Variants in ZRANB3 observed in about 807,000 individuals in gnomAD.
ZRANB3 encodes the protein zinc finger RANBP2-type containing 3, also known as DNA annealing helicase and endonuclease ZRANB3.
A neutral mutation model predicts 133.8 loss-of-function variants in ZRANB3; 125 were observed. The ratio of observed to expected loss-of-function variants is 0.93; its 90% CI spans 0.81 to 1.08. The LOEUF is 1.08. ZRANB3 is among the 50% of genes least tolerant of loss of function. ZRANB3 has a pLI of 0.00. For synonymous variants in ZRANB3, 387 were observed against 432.7 expected (o/e 0.89, Z 1.31); for missense variants, 1,229 against 1,275.5 (o/e 0.96, Z 0.56).
At chr2:135,366,399 A>T (rs951455687) in intron 3 of ZRANB3, among the ~76,000 whole-genome samples, 1 of 152,198 alleles carries the variant, frequency 6.6e-6, no homozygotes, top group African/African-American at 2.4e-5. Context: ...GGAAAACAAA[A>T]TGCTGGTTAA....
At chr2:135,246,652 T>C (rs1695815624) in intron 12 of ZRANB3, among the ~76,000 whole-genome samples, 1 of 152,186 alleles carries the variant, frequency 6.6e-6, no homozygotes, top group Admixed American at 6.5e-5. Flanking sequence ...GCCCATGTCA[T>C]AAGGAAAGTG....
At chr2:135,303,666 T>C (rs575341474) in intron 8 of ZRANB3, among the ~76,000 whole-genome samples, 1 of 152,164 alleles carries the variant, frequency 6.6e-6, no homozygotes, top group Non-Finnish European at 1.5e-5. Context: ...AAATTTTATA[T>C]TTAGTGTGTT....
At chr2:135,298,189 C>T (rs1049454250) in intron 8 of ZRANB3, among the ~76,000 whole-genome samples, 1 of 152,168 alleles carries the variant, frequency 6.6e-6, no homozygotes. Context: ...GATCGTACCA[C>T]TGCACTCCAG....
intron 2 of ZRANB3, among the ~76,000 whole-genome samples, chr2:135,420,657 C>T (rs1378503372): frequency 6.6e-6 from 1 of 152,060 alleles, no homozygotes; most frequent in Non-Finnish European, 1.5e-5. Context: ...TGTCCTGAAT[C>T]CTGTACTTAG....
intron 1 of ZRANB3, among the ~76,000 whole-genome samples, chr2:135,515,209 T>G (rs1057359699): frequency 1.3e-5 from 2 of 152,222 alleles, no homozygotes; most frequent in Non-Finnish European, 2.9e-5. Context: ...TCAGAAGGAA[T>G]GGTACCAGCT....
At chr2:135,253,185 T>G (rs1225625485) in intron 12 of ZRANB3, among the ~76,000 whole-genome samples, 1 of 152,210 alleles carries the variant, frequency 6.6e-6, no homozygotes, top group Non-Finnish European at 1.5e-5. Flanking sequence ...AAAGTAGACT[T>G]CCTAACTTGT....
intron 2 of ZRANB3, among the ~76,000 whole-genome samples, chr2:135,409,190 A>T (rs1688190936): frequency 6.6e-6 from 1 of 152,044 alleles, no homozygotes; most frequent in Non-Finnish European, 1.5e-5. Flanking sequence ...GGTGTCACAC[A>T]CTTTCAAACA....
intron 8 of ZRANB3, among the ~76,000 whole-genome samples, chr2:135,289,328 T>G (rs1249440800): frequency 3.3e-5 from 5 of 152,144 alleles, no homozygotes; most frequent in Non-Finnish European, 7.3e-5. Flanking sequence ...TGATCTCGGC[T>G]CACTGCAGCC....
intron 12 of ZRANB3, among the ~76,000 whole-genome samples, chr2:135,260,819 TAC>T (rs1202824166): frequency 6.9e-6 from 1 of 145,530 alleles, no homozygotes; most frequent in African/African-American, 2.5e-5. Context: ...AGTATATATA[TAC>T]TATATATTCT....
chr2:135,524,761 A>G (rs1180138406), intron 1 of ZRANB3, among the ~76,000 whole-genome samples: 3 of 152,176 alleles, frequency 2.0e-5, no homozygotes, highest in African/African-American at 7.2e-5. Flanking sequence ...CAGTGTCCAA[A>G]GAGAACCATG....
rs1436352558 is a variant in ZRANB3, at chr2:135,271,803, G to A, written c.1171C>T (p.Arg391Cys). The A allele has an allele frequency of 3.1e-6, 5 of 1,613,540 alleles. No individual in the cohort carries two copies. Among genetic ancestry groups the A allele is most frequent in the African/African-American group, 1.3e-5 (1 of 74,904 alleles). Reference sequence around the variant, plus strand: ...GCCTGAATGCTTAGGATAGCCACGCGAGTGTCAGGATCCTTTTGAAACTGA... The same window carrying A: ...GCCTGAATGCTTAGGATAGCCACGCAAGTGTCAGGATCCTTTTGAAACTGA... Reference protein sequence around the residue: ...VNQFQKDPDTRVAILSIQAAG... With the variant: ...VNQFQKDPDTCVAILSIQAAG... Residue 391 changes from arginine (R) to cysteine (C), a missense_variant, in exon 10 of 21, where the codon CGC becomes TGC. By Grantham distance (180) the Arg-to-Cys change is radical. Transcript: ENST00000264159.
chr2:135,464,155 A>G (rs181264527), intron 2 of ZRANB3, among the ~76,000 whole-genome samples: 4 of 152,366 alleles, frequency 2.6e-5, no homozygotes, highest in South Asian at 2.1e-4. Context: ...CCATGAAAAG[A>G]AAGTGTTTCT....
At chr2:135,282,767 G>A (rs1681155144) in intron 8 of ZRANB3, among the ~76,000 whole-genome samples, 1 of 152,004 alleles carries the variant, frequency 6.6e-6, no homozygotes, top group Admixed American at 6.6e-5. Flanking sequence ...AAAAAACCCT[G>A]GGATCCTAAA....
At chr2:135,482,623 C>G (rs377214837) in intron 2 of ZRANB3, among the ~76,000 whole-genome samples, 8 of 152,262 alleles carry the variant, frequency 5.3e-5, no homozygotes, top group African/African-American at 1.7e-4. Context: ...TCTCCTGCCT[C>G]ATTGCCCTGG....
chr2:135,395,550 C>A (rs1052696253), intron 2 of ZRANB3, among the ~76,000 whole-genome samples: 3 of 151,724 alleles, frequency 2.0e-5, no homozygotes, highest in South Asian at 2.1e-4. Context: ...CTCTGCCTCC[C>A]ACGTTCAAGC....
chr2:135,245,244 T>C (rs777741967), intron 12 of ZRANB3, among the ~76,000 whole-genome samples: 1 of 152,170 alleles, frequency 6.6e-6, no homozygotes, highest in Non-Finnish European at 1.5e-5. Flanking sequence ...TCCTATGAGG[T>C]AATCAGTGAG....
chr2:135,393,386 T>A (rs539264930), intron 2 of ZRANB3, among the ~76,000 whole-genome samples: 3 of 152,048 alleles, frequency 2.0e-5, no homozygotes, highest in Non-Finnish European at 4.4e-5. Flanking sequence ...AAGATGATCA[T>A]TATTGACAGC....
intron 3 of ZRANB3, among the ~76,000 whole-genome samples, chr2:135,382,118 C>T (rs1686732122): frequency 6.6e-6 from 1 of 152,072 alleles, no homozygotes. Flanking sequence ...GAAGGGCTAA[C>T]TAGAATAACC....
chr2:135,225,491 T>G (rs1341083799), intron 14 of ZRANB3, among the ~76,000 whole-genome samples: 1 of 152,248 alleles, frequency 6.6e-6, no homozygotes, highest in Non-Finnish European at 1.5e-5. Context: ...GAAACTGGCA[T>G]GTCTTACAGC....
Sources: allele counts gnomAD v4.1 joint callset (sites outside exome capture counted in the v4.1 genomes callset), GRCh38; gene constraint gnomAD v4.1.1; transcripts MANE v1.5; gene names NCBI Gene and HGNC (gene_info 2026-07-23, HGNC 2026-07-21).